Variants in DISP1 observed in about 807,000 individuals in gnomAD.
DISP1 encodes protein dispatched homolog 1.
DISP1 carries 30 observed loss-of-function variants against 37.3 expected under a neutral mutation model. The observed-to-expected ratio is 0.80, with a 90% CI of 0.60 to 1.09. DISP1 has a LOEUF of 1.09. DISP1 is among the 50% of genes least tolerant of loss of function. DISP1 has a pLI of 0.00. For missense variants in DISP1, 1,598 were observed against 1,879.5 expected, an observed-to-expected ratio of 0.85 and a Z score of 2.77; for synonymous variants, 634 against 690.2, an observed-to-expected ratio of 0.92 and a Z score of 1.28.
intron 1 of DISP1, among the ~76,000 whole-genome samples, chr1:222,865,889 G>T (rs1669158790): frequency 6.6e-6 from 1 of 152,062 alleles, no homozygotes; most frequent in African/African-American, 2.4e-5. Context: ...AGCCAGTTAC[G>T]TTTTTGTTTT....
At chr1:222,920,946 A>G (rs940711804) in intron 1 of DISP1, among the ~76,000 whole-genome samples, 3 of 152,222 alleles carry the variant, frequency 2.0e-5, no homozygotes, top group African/African-American at 7.2e-5. Context: ...ATCATAATAA[A>G]TAAAAACTAA....
At chr1:222,875,543 G>T (rs1177910743) in intron 1 of DISP1, among the ~76,000 whole-genome samples, 1 of 151,328 alleles carries the variant, frequency 6.6e-6, no homozygotes, top group Non-Finnish European at 1.5e-5. Flanking sequence ...GAAAGGTCTG[G>T]TGTGGTGGCT....
At position 222,992,079 on chromosome 1, in the gene DISP1, C is replaced by T. The variant is rs768814230; in HGVS notation, c.858C>T (p.Phe286=). 1.9e-5 allele frequency: 30 copies of T among 1,613,756 alleles called. No individual in the cohort carries two copies. The South Asian group carries it at 2.6e-4, about 14-fold the overall frequency. Reference sequence around the variant, plus strand: ...AGAAAAGAGAAGTTGACTGGAACTTCCACAAGGACAGCTTTTTCTGCGACG... The same window carrying T: ...AGAAAAGAGAAGTTGACTGGAACTTTCACAAGGACAGCTTTTTCTGCGACG... ...EREKREVDWN[F]HKDSFFCDVP... Residue 286 remains phenylalanine (F), a synonymous_variant, in exon 7 of 9, where the codon TTC becomes TTT. Transcript: ENST00000675850.
At position 223,004,288 on chromosome 1, in the gene DISP1, A is replaced by T; in HGVS notation, c.2891A>T (p.Asn964Ile). Reference sequence around the variant, plus strand: ...AGTTCGGCCCCTGAAGGCCTCAGCAATGGTTGGTTTGTCAGCAATCTGGAG... The same window carrying T: ...AGTTCGGCCCCTGAAGGCCTCAGCATTGGTTGGTTTGTCAGCAATCTGGAG... ...ELSSAPEGLS[N>I]GWFVSNLEFY... Residue 964 changes from asparagine to isoleucine, a missense_variant, in exon 9 of 9, where the codon AAT (asparagine) becomes ATT (isoleucine). Transcript: ENST00000675850. The surrounding 1 kb of genome is among the most constrained non-coding windows in gnomAD (Gnocchi z 4.9). The T allele has an allele frequency of 1.9e-6, 3 of 1,614,098 alleles. No homozygotes were observed. The highest frequency in any genetic ancestry group is 1.7e-5 in the Admixed American group (1 of 60,024).
chr1:222,946,383 C>CAAAA (rs71178514), intron 3 of DISP1, among the ~76,000 whole-genome samples: 9 of 85,438 alleles, frequency 1.1e-4, no homozygotes, highest in Non-Finnish European at 1.6e-4. Context: ...GACTCCATCT[C>CAAAA]AAAAAAAAAA....
chr1:222,887,055 CA>C (rs937036690), intron 1 of DISP1, among the ~76,000 whole-genome samples: 3 of 152,108 alleles, frequency 2.0e-5, no homozygotes, highest in African/African-American at 7.2e-5. Flanking sequence ...GTGATTGAGA[CA>C]TTTTTTAAAA....
At position 222,875,140 on chromosome 1, in the gene DISP1, T is replaced by C. The variant is rs139657704; in HGVS notation, c.-158-53290T>C. 2.8e-3 allele frequency among the ~76,000 whole-genome samples: 420 copies of C among 151,996 alleles called. 3 individuals are homozygous for C. Among genetic ancestry groups the C allele is most frequent in the African/African-American group, 9.8e-3 (405 of 41,450 alleles). On this transcript the variant is annotated intron_variant, in intron 1 of 8. Coordinates refer to ENST00000675850, the MANE Select transcript of DISP1 (RefSeq NM_001377229.1). Reference sequence around the variant, plus strand: ...TAATGGGATGGGGTAGGTGAGTCATTTAGGTTGGGCCTTAAATTCATGATG... The same window carrying C: ...TAATGGGATGGGGTAGGTGAGTCATCTAGGTTGGGCCTTAAATTCATGATG...
intron 2 of DISP1, among the ~76,000 whole-genome samples, chr1:222,938,760 AAAGGAAGGAAGG>A (rs71564727): frequency 7.7e-5 from 8 of 104,568 alleles, no homozygotes; most frequent in African/African-American, 2.9e-4. Context: ...AAAAAAAAAA[AAAGGAAGGAAGG>A]AAGGAAGGAA....
intron 1 of DISP1, among the ~76,000 whole-genome samples, chr1:222,913,485 C>G (rs928364156): frequency 1.3e-5 from 2 of 152,052 alleles, no homozygotes; most frequent in African/African-American, 2.4e-5. Flanking sequence ...TATAATCATT[C>G]TTCTATTTGC....
At chr1:222,994,350 T>G (rs150486445) in intron 7 of DISP1, among the ~76,000 whole-genome samples, 1 of 152,320 alleles carries the variant, frequency 6.6e-6, no homozygotes, top group East Asian at 1.9e-4. Context: ...TCAAAATATT[T>G]TTTCTAGCCT....
chr1:222,994,242 GTTATATCCTAAT>G (rs1443349198), intron 7 of DISP1, among the ~76,000 whole-genome samples: 2 of 152,150 alleles, frequency 1.3e-5, no homozygotes, highest in African/African-American at 4.8e-5. Context: ...ACAGGACCTG[GTTATATCCTAAT>G]CTGACTTTAA....
intron 3 of DISP1, among the ~76,000 whole-genome samples, chr1:222,973,801 C>T (rs1677122619): frequency 6.6e-6 from 1 of 152,210 alleles, no homozygotes; most frequent in African/African-American, 2.4e-5. Context: ...TAGCCTGCAT[C>T]AGTGTTCAGC....
intron 2 of DISP1, among the ~76,000 whole-genome samples, chr1:222,932,703 T>A (rs1303599431): frequency 6.6e-6 from 1 of 152,018 alleles, no homozygotes; most frequent in Non-Finnish European, 1.5e-5. Flanking sequence ...CCTCTTTCTT[T>A]CCAGCATTGA....
At chr1:222,877,896 A>G (rs1261371304) in intron 1 of DISP1, among the ~76,000 whole-genome samples, 2 of 152,142 alleles carry the variant, frequency 1.3e-5, no homozygotes, top group Non-Finnish European at 2.9e-5. Flanking sequence ...CAGCCCTGAT[A>G]TGTTGTAGGA....
At chr1:222,861,929 A>G (rs1192215827) in intron 1 of DISP1, among the ~76,000 whole-genome samples, 1 of 144,558 alleles carries the variant, frequency 6.9e-6, no homozygotes, top group Non-Finnish European at 1.6e-5. Flanking sequence ...TTCATGAAAA[A>G]TGTGTTTTTT....
intron 1 of DISP1, among the ~76,000 whole-genome samples, chr1:222,886,747 A>T (rs151122899): frequency 6.6e-6 from 1 of 152,268 alleles, no homozygotes. Context: ...ACATAGGGCC[A>T]ATGAGTTGAC....
intron 1 of DISP1, among the ~76,000 whole-genome samples, chr1:222,829,234 G>C (rs1345383770): frequency 6.6e-6 from 1 of 152,122 alleles, no homozygotes; most frequent in Admixed American, 6.5e-5. Context: ...CAAGAACCAA[G>C]GATTACTTGC....
chr1:222,964,734 T>C (rs1044300764), intron 3 of DISP1, among the ~76,000 whole-genome samples: 5 of 152,224 alleles, frequency 3.3e-5, no homozygotes, highest in African/African-American at 1.2e-4. Context: ...TTTAACACCT[T>C]ACCTGGTGCA....
rs1538558 is a variant in DISP1 at position 222,980,124 on chromosome 1, C to T, written c.510-2956C>T. Reference sequence around the variant, plus strand: ...CAGGATACTCAAAAGTATCCAAAGTCCTCAAAAACTCAGTCATAGACAATG... The same window carrying T: ...CAGGATACTCAAAAGTATCCAAAGTTCTCAAAAACTCAGTCATAGACAATG... On this transcript the variant is annotated intron_variant, in intron 3 of 8. Coordinates refer to ENST00000675850, the MANE Select transcript of DISP1 (RefSeq NM_001377229.1). 5.3e-5 allele frequency among the ~76,000 whole-genome samples: 8 copies of T among 152,240 alleles called. No individual in the cohort carries two copies. In the East Asian group the frequency reaches 1.5e-3, roughly 29 times the overall value.
Sources: gnomAD v4.1 joint callset for allele counts (sites outside exome capture counted in the v4.1 genomes callset) on GRCh38, gnomAD v4.1.1 for gene constraint, Gnocchi (gnomAD v3.1) non-coding constraint, MANE v1.5 for transcripts, NCBI Gene and HGNC (gene_info 2026-07-23, HGNC 2026-07-21) for gene names.